The following TRIM14 variants were observed in gnomAD, a reference collection of about 807,000 sequenced individuals.
The protein encoded by TRIM14 is tripartite motif containing 14, also known as tripartite motif-containing protein 14.
Under a neutral mutation model 44.5 loss-of-function variants are expected in TRIM14, and 28 were observed. That is an observed-to-expected ratio of 0.63 (90% confidence interval 0.47 to 0.86). TRIM14 has a LOEUF of 0.86. Ranked by LOEUF, TRIM14 falls within the 40% of genes least tolerant of loss-of-function variation. The pLI, the probability that TRIM14 is intolerant of heterozygous loss-of-function variation, is 0.00. For synonymous variants in TRIM14, 299 were observed against 269.2 expected (o/e 1.11, Z -1.08); for missense variants, 607 against 611.1 (o/e 0.99, Z 0.07).
the TRIM14 span, among the ~76,000 whole-genome samples, chr9:98,043,534 C>G: frequency 6.6e-6 from 1 of 151,858 alleles, no homozygotes; most frequent in Non-Finnish European, 1.5e-5. Context: ...TCTCTAAATT[C>G]AGAGAGGAAA....
rs763312703 is a variant in TRIM14 at position 98,087,507 on chromosome 9, AGCCGCAGG to A, written c.1284_1291del (p.Arg430GlyfsTer76). ...GGGGATGCTGATGGCCCCCTCCCAG[AGCCGCAGG>A]GCCGGGTAGAGCGGCTCCTGGAACG... On this transcript the variant is annotated frameshift_variant, in exon 6 of 6. Transcript: ENST00000341469. LOFTEE classifies it high-confidence loss of function. 6.2e-7 allele frequency: 1 copy of A among 1,600,344 alleles called. No individual in the cohort carries two copies. The highest frequency in any genetic ancestry group is 8.5e-7 in the Non-Finnish European group (1 of 1,173,678).
chr9:98,078,706 G>A (rs992031035), intron 6 of TRIM14, among the ~76,000 whole-genome samples: 8 of 151,700 alleles, frequency 5.3e-5, no homozygotes, highest in Admixed American at 3.9e-4. Flanking sequence ...ATGGTGATGC[G>A]TGCCTGTGGT....
chr9:98,098,439 C>A lies in TRIM14; in HGVS notation c.537+1492G>T, dbSNP rs185230214. On this transcript the variant is annotated intron_variant, in intron 3 of 5. Transcript: ENST00000341469. ...AGACAGGAACACCATCGGCCGGGTG[C>A]GGTGGCTCACGCCTGTAATCCCAGC... is the stretch of plus-strand genomic sequence containing the variant. 5.9e-5 allele frequency among the ~76,000 whole-genome samples: 9 copies of A among 152,120 alleles called. No homozygotes were observed. The East Asian group carries it at 1.7e-3, about 30-fold the overall frequency.
chr9:98,057,883 C>T, the TRIM14 span, among the ~76,000 whole-genome samples: 1 of 136,044 alleles, frequency 7.4e-6, no homozygotes, highest in African/African-American at 2.8e-5. Flanking sequence ...GTCACCCAGG[C>T]TGGAGGTTTT....
intron 6 of TRIM14, chr9:98,076,879 G>GCCTGTCATA: frequency 6.6e-7 from 1 of 1,521,876 alleles, no homozygotes; most frequent in Non-Finnish European, 9.1e-7. Flanking sequence ...AGTGTTTTTG[G>GCCTGTCATA]ACAATGGTGA....
At chr9:98,046,537 G>A in the TRIM14 span, among the ~76,000 whole-genome samples, 1 of 151,998 alleles carries the variant, frequency 6.6e-6, no homozygotes, top group Non-Finnish European at 1.5e-5. Context: ...CGCCTCCCGG[G>A]TTCAAACAAT....
chr9:98,064,525 G>A (rs1829078226), downstream of TRIM14, among the ~76,000 whole-genome samples: 1 of 152,014 alleles, frequency 6.6e-6, no homozygotes, highest in Admixed American at 6.6e-5. Flanking sequence ...CAAAGTTCTG[G>A]GATTACAGGT....
At chr9:98,041,845 G>A in the TRIM14 span, among the ~76,000 whole-genome samples, 1 of 151,028 alleles carries the variant, frequency 6.6e-6, no homozygotes, top group Non-Finnish European at 1.5e-5. Flanking sequence ...ACCACACCCA[G>A]CTAATTTTTT....
the TRIM14 span, among the ~76,000 whole-genome samples, chr9:98,043,811 TAGAG>T: frequency 1.1e-4 from 17 of 150,446 alleles, no homozygotes; most frequent in African/African-American, 3.2e-4. Flanking sequence ...GAAAAGAAAA[TAGAG>T]AGAAAGAGAA....
the TRIM14 span, among the ~76,000 whole-genome samples, chr9:98,059,968 G>T: frequency 6.4e-4 from 98 of 152,252 alleles, no homozygotes; most frequent in African/African-American, 2.2e-3. Context: ...GTCCCTGAGA[G>T]GGCCTCATTA....
chr9:98,043,374 C>A, the TRIM14 span, among the ~76,000 whole-genome samples: 56,343 of 151,788 alleles, frequency 0.37, 12,600 homozygotes, highest in African/African-American at 0.63. Flanking sequence ...GCCATGTTGG[C>A]CAGGCTGGTC....
At chr9:98,113,435 G>C (rs1365325374) in intron 1 of TRIM14, among the ~76,000 whole-genome samples, 3 of 152,066 alleles carry the variant, frequency 2.0e-5, no homozygotes, top group Non-Finnish European at 4.4e-5. Context: ...GCTCACTGCA[G>C]CCTTGACCTC....
chr9:98,039,132 C>A, the TRIM14 span, among the ~76,000 whole-genome samples: 3 of 152,078 alleles, frequency 2.0e-5, no homozygotes, highest in East Asian at 5.8e-4. Flanking sequence ...GATAAGTGAA[C>A]CTGCTTCAAC....
Position 98,095,117 on chromosome 9 carries a change from C to T in TRIM14, c.538-88G>A, listed in dbSNP as rs572458855. 1.1e-4 allele frequency: 163 copies of T among 1,475,560 alleles called. No individual in the cohort carries two copies. The highest frequency in any genetic ancestry group is 1.4e-4 in the Non-Finnish European group (150 of 1,108,528). 91.4% of individuals were successfully genotyped at this position (1,475,560 alleles called of 1,614,324 possible). The stretch of plus-strand genomic sequence containing the variant: ...TGCTGCACCCAGGAACAAACCCACA[C>T]CAGCATGCCCAGGCTCCACGTTGGC... On this transcript the variant is annotated intron_variant, in intron 3 of 5. Transcript: ENST00000341469. This position sits in a 1 kb window ranked among gnomAD's most constrained non-coding sequence, Gnocchi z 4.1.
downstream of TRIM14, chr9:98,081,265 T>A: frequency 2.7e-6 from 2 of 753,840 alleles, no homozygotes; most frequent in Non-Finnish European, 4.2e-6. Flanking sequence ...CTCTGGCCTG[T>A]AGCAGCAGCA....
At chr9:98,048,080 A>G in the TRIM14 span, among the ~76,000 whole-genome samples, 4 of 140,872 alleles carry the variant, frequency 2.8e-5, no homozygotes, top group Non-Finnish European at 6.1e-5. Context: ...AAAAAAAAAA[A>G]AAAGTATGGA....
chr9:98,062,953 T>C, the TRIM14 span, among the ~76,000 whole-genome samples: 1 of 152,194 alleles, frequency 6.6e-6, no homozygotes, highest in East Asian at 1.9e-4. Context: ...TTTTATTTTT[T>C]TGAGATGGAG....
downstream of TRIM14, chr9:98,081,727 C>T (rs1829871857): frequency 6.6e-6 from 1 of 152,372 alleles, no homozygotes; most frequent in South Asian, 2.1e-4. Flanking sequence ...GGCTGCCAGG[C>T]ACACACACAC....
At chr9:98,092,176 G>A (rs1468137030) in intron 4 of TRIM14, among the ~76,000 whole-genome samples, 175 bp from the exon 5 acceptor site, 4 of 152,208 alleles carry the variant, frequency 2.6e-5, no homozygotes, top group Non-Finnish European at 5.9e-5. Context: ...CAAGGCTGGT[G>A]TGGGAGAGTC....
Sources: gnomAD v4.1 joint callset for allele counts (sites outside exome capture counted in the v4.1 genomes callset) on GRCh38, gnomAD v4.1.1 for gene constraint, Gnocchi (gnomAD v3.1) non-coding constraint, MANE v1.5 for transcripts, NCBI Gene and HGNC (gene_info 2026-07-23, HGNC 2026-07-21) for gene names.